KIAA1210: variants seen among roughly 807,000 people sequenced by gnomAD.
The protein encoded by KIAA1210 is acrosomal protein KIAA1210.
A neutral mutation model predicts 78.9 loss-of-function variants in KIAA1210; 48 were observed. That is an observed-to-expected ratio of 0.61 (90% CI 0.48 to 0.77). The LOEUF (loss-of-function observed/expected upper bound fraction) is 0.77. Ranked by LOEUF, KIAA1210 falls within the 30% of genes least tolerant of loss-of-function variation. KIAA1210 has a pLI of 0.00. For synonymous variants in KIAA1210, 406 were observed against 404.5 expected (o/e 1.00, Z -0.04); for missense variants, 1,108 against 1,100.0 (o/e 1.01, Z -0.10).
chrX:119,109,307 G>A (rs967948851), intron 3 of KIAA1210, 105 bp from the exon 4 acceptor site: 11 of 769,994 alleles, frequency 1.4e-5, no homozygotes, highest in Non-Finnish European at 2.0e-5. Flanking sequence ...CAGAAGGAGA[G>A]CAGGGATGCA....
At chrX:119,125,731 A>AT (rs1267660224) in intron 1 of KIAA1210, among the ~76,000 whole-genome samples, 7 of 7,607 alleles carry the variant, frequency 9.2e-4, no homozygotes, top group Admixed American at 4.2e-3. Flanking sequence ...ATATATATAT[A>AT]TATATTTTTT....
At chrX:119,085,588 GC>G in intron 9 of KIAA1210, 42 bp from the exon 10 acceptor site, 1 of 1,145,934 alleles carries the variant, frequency 8.7e-7, no homozygotes. Context: ...AGCAAGGCAG[GC>G]AGGGTCTTGA....
chrX:119,112,117 T>A (rs1928096456), intron 3 of KIAA1210, among the ~76,000 whole-genome samples: 1 of 111,230 alleles, frequency 9.0e-6, no homozygotes, highest in Admixed American at 9.6e-5. Context: ...GCACTCTCTC[T>A]CTACTGCCAC....
chrX:119,126,066 T>C (rs1031310253), intron 1 of KIAA1210, among the ~76,000 whole-genome samples: 1 of 108,788 alleles, frequency 9.2e-6, no homozygotes, highest in Admixed American at 1.0e-4. Context: ...AAAGTGGGGT[T>C]AAGTAGATTC....
At chrX:119,083,177 T>C (rs1603264418) in intron 10 of KIAA1210, 57 bp from the exon 11 acceptor site, 1 of 935,351 alleles carries the variant, frequency 1.1e-6, no homozygotes, top group South Asian at 2.2e-5. Context: ...AAATGGCAGA[T>C]TGCTTATTCA....
intron 1 of KIAA1210, among the ~76,000 whole-genome samples, chrX:119,149,963 C>A (rs1019941127): frequency 1.8e-5 from 2 of 111,736 alleles, no homozygotes; most frequent in African/African-American, 3.3e-5. Flanking sequence ...GTCATGCTAG[C>A]TGCTTGCTGG....
intron 6 of KIAA1210, among the ~76,000 whole-genome samples, chrX:119,097,959 T>C (rs1046383618): frequency 2.7e-5 from 3 of 112,329 alleles, no homozygotes; most frequent in African/African-American, 9.7e-5. Context: ...AGTTAGATTA[T>C]GTTATCTACT....
chrX:119,089,283 T>C lies in KIAA1210; in HGVS notation c.1419A>G (p.Pro473=). ...ENMDNSMVSD[P]QPYHEDAASG... is the part of the protein sequence containing the mutation. ...AAGCTGCATCTTCATGGTATGGTTG[T>C]GGATCACTAACCATGGAATTGTCCA... The change falls in exon 9 of 12, where the codon CCA becomes CCG. Residue 473 remains proline, a synonymous_variant. Coordinates refer to ENST00000691062, the MANE Select transcript of KIAA1210 (RefSeq NM_001394962.1). 6 of 1,210,649 alleles carry C rather than the reference T, an allele frequency of 5.0e-6. No homozygotes were observed. The highest frequency in any genetic ancestry group is 6.7e-6 in the Non-Finnish European group (6 of 894,292).
intron 6 of KIAA1210, among the ~76,000 whole-genome samples, chrX:119,100,105 G>A (rs1338492701): frequency 9.1e-6 from 1 of 109,958 alleles, no homozygotes; most frequent in East Asian, 2.8e-4. Flanking sequence ...AGCAGATCGC[G>A]AGGTCAGGAG....
chrX:119,119,490 G>C lies in KIAA1210; in HGVS notation c.62-2826C>G, dbSNP rs193260052. On this transcript the variant is annotated intron_variant, in intron 2 of 11. Transcript: ENST00000691062. The stretch of plus-strand genomic sequence containing the variant: ...AAAAAATGAAAATGAAATAGGAAAC[G>C]TATATTTTCTGCAAGATCCCTTTTA... Among the ~76,000 whole-genome samples the C allele has an allele frequency of 3.4e-4, 38 of 112,008 alleles. No individual in the cohort carries two copies. In the East Asian group the frequency reaches 9.5e-3, roughly 28 times the overall value.
At chrX:119,105,340 C>T (rs1242312543) in intron 5 of KIAA1210, among the ~76,000 whole-genome samples, 193 bp from the exon 6 acceptor site, 1 of 112,034 alleles carries the variant, frequency 8.9e-6, no homozygotes, top group Non-Finnish European at 1.9e-5. Flanking sequence ...CTACTCAAAC[C>T]AAAGACTACT....
chrX:119,123,144 G>C lies in KIAA1210; in HGVS notation c.61+438C>G, dbSNP rs761966078. 4.4e-5 allele frequency among the ~76,000 whole-genome samples: 5 copies of C among 112,383 alleles called. No homozygotes were observed. In the East Asian group the frequency reaches 8.3e-4, roughly 19 times the overall value. On this transcript the variant is annotated intron_variant, in intron 2 of 11. Transcript: ENST00000691062. The stretch of plus-strand genomic sequence containing the variant: ...CACAATTTAGGCAATGGATACACGA[G>C]TAAGTTTTGCCAAAGAGAATTTTTG...
chrX:119,108,306 G>A, intron 5 of KIAA1210, 31 bp downstream of exon 5: 2 of 1,180,560 alleles, frequency 1.7e-6, no homozygotes, highest in Non-Finnish European at 2.3e-6. Flanking sequence ...TGACTCAGCT[G>A]CCCATGCGCT....
intron 10 of KIAA1210, among the ~76,000 whole-genome samples, chrX:119,083,782 G>A (rs1002496108): frequency 9.1e-6 from 1 of 110,100 alleles, no homozygotes; most frequent in African/African-American, 3.3e-5. Context: ...GAGCCCAGGA[G>A]TTCAAGACCA....
chrX:119,085,668 C>A (rs772950142), intron 9 of KIAA1210, 122 bp from the exon 10 acceptor site: 50 of 668,344 alleles, frequency 7.5e-5, no homozygotes, highest in Non-Finnish European at 9.7e-5. Context: ...GGAAAATAAA[C>A]AGATATCAAA....
At chrX:119,142,133 C>T (rs192206683) in intron 2 of KIAA1210, among the ~76,000 whole-genome samples, 3,827 of 111,968 alleles carry the variant, frequency 0.034, 138 homozygotes, top group African/African-American at 0.12. Context: ...CCTAAATTTC[C>T]TTAGCTGATA....
At chrX:119,098,340 C>A (rs1212637813) in intron 6 of KIAA1210, among the ~76,000 whole-genome samples, 1 of 111,839 alleles carries the variant, frequency 8.9e-6, no homozygotes, top group East Asian at 2.8e-4. Context: ...GTGGTGGGCT[C>A]ACGCCTGTAA....
upstream of KIAA1210, chrX:119,150,723 C>A: frequency 1.6e-6 from 1 of 635,183 alleles, no homozygotes; most frequent in Non-Finnish European, 2.4e-6. Flanking sequence ...GCACCGCCCC[C>A]AACCAGCGGG....
At position 119,117,389 on chromosome X, in the gene KIAA1210, GTGA is replaced by G. The variant is rs373184458; in HGVS notation, c.62-728_62-726del. Among the ~76,000 whole-genome samples the G allele has an allele frequency of 2.9e-3, 324 of 110,826 alleles. 1 individual carries two copies. Among genetic ancestry groups the G allele is most frequent in the African/African-American group, 0.01 (312 of 30,045 alleles). ...AAGGAGTGTGTGTGTGTGTGTGTGT[GTGA>G]TGATGATCATTGTGTGTGTTCTTCA... On this transcript the variant is annotated intron_variant, in intron 2 of 11. Transcript: ENST00000691062.
Sources: allele counts gnomAD v4.1 joint callset (sites outside exome capture counted in the v4.1 genomes callset), GRCh38; gene constraint gnomAD v4.1.1; transcripts MANE v1.5; gene names NCBI Gene and HGNC (gene_info 2026-07-23, HGNC 2026-07-21).